GAP43: variants seen among roughly 807,000 people sequenced by gnomAD.
GAP43 encodes the protein neuromodulin.
In GAP43, 6 loss-of-function variants were observed where a neutral mutation model predicts 18.6. That is an observed-to-expected ratio of 0.32 (90% CI 0.18 to 0.64). GAP43 has a LOEUF of 0.64. Ranked by LOEUF, GAP43 falls within the 30% of genes least tolerant of loss-of-function variation. GAP43 has a pLI of 0.78. For synonymous variants in GAP43, 115 were observed against 111.4 expected, an observed-to-expected ratio of 1.03 and a Z score of -0.20; for missense variants, 292 against 295.5, an observed-to-expected ratio of 0.99 and a Z score of 0.09.
chr3:115,680,910 A>G (rs1320052874), intron 2 of GAP43, among the ~76,000 whole-genome samples: 1 of 152,198 alleles, frequency 6.6e-6, no homozygotes, highest in East Asian at 1.9e-4. Context: ...AGATAGGTCC[A>G]CTTCTACCAA....
chr3:115,663,942 T>C, intron 1 of GAP43: 1 of 1,549,010 alleles, frequency 6.5e-7, no homozygotes, highest in Middle Eastern at 1.7e-4. Flanking sequence ...ATGTAACCTA[T>C]ACAAGTATTT....
intron 2 of GAP43, among the ~76,000 whole-genome samples, chr3:115,705,025 T>C (rs1356780581): frequency 6.6e-6 from 1 of 152,178 alleles, no homozygotes; most frequent in East Asian, 1.9e-4. Flanking sequence ...CTGCCAAGTC[T>C]CTAGTTTACT....
intron 2 of GAP43, among the ~76,000 whole-genome samples, chr3:115,680,195 C>A (rs534708917): frequency 6.6e-6 from 1 of 152,240 alleles, no homozygotes; most frequent in South Asian, 2.1e-4. Flanking sequence ...TGCGGTGGCT[C>A]ATGCCTGTAA....
chr3:115,683,180 C>CACACACAG (rs1225729040), intron 2 of GAP43, among the ~76,000 whole-genome samples: 4 of 149,532 alleles, frequency 2.7e-5, no homozygotes, highest in African/African-American at 7.3e-5. Context: ...CACACACACA[C>CACACACAG]ACACACACGA....
chr3:115,660,309 T>C (rs1708641769), intron 1 of GAP43, among the ~76,000 whole-genome samples: 1 of 152,206 alleles, frequency 6.6e-6, no homozygotes, highest in South Asian at 2.1e-4. Context: ...TATAATTATA[T>C]ACCTATAAAT....
intron 2 of GAP43, among the ~76,000 whole-genome samples, chr3:115,716,649 T>TA (rs1709504937): frequency 6.9e-6 from 1 of 145,100 alleles, no homozygotes; most frequent in Admixed American, 7.1e-5. Context: ...TCCCTTCGCT[T>TA]AAAACAAAGC....
rs545389265 is a variant in GAP43 at position 115,677,829 on chromosome 3, A to G, written c.628+1219A>G. Among the ~76,000 whole-genome samples, 4 of 152,338 alleles carry G rather than the reference A, an allele frequency of 2.6e-5. No homozygotes were observed. The East Asian group carries it at 7.7e-4, about 29-fold the overall frequency. On this transcript the variant is annotated intron_variant, in intron 2 of 2. Coordinates refer to ENST00000305124, the MANE Select transcript of GAP43 (RefSeq NM_002045.4). ...ATCTGACCATCAGATTGAGAAAGTA[A>G]TGACTGGACTTTTACCTTGATATAC...
chr3:115,658,259 T>C (rs913411612), intron 1 of GAP43, among the ~76,000 whole-genome samples: 5 of 152,086 alleles, frequency 3.3e-5, no homozygotes, highest in Admixed American at 2.6e-4. Context: ...GGTTTTTTTT[T>C]CCTAAGTAGG....
Position 115,623,585 on chromosome 3 carries a change from A to G in GAP43, c.-105A>G. 6.9e-7 allele frequency: 1 copy of G among 1,449,934 alleles called. No individual in the cohort carries two copies. The highest frequency in any genetic ancestry group is 9.6e-7 in the Non-Finnish European group (1 of 1,039,664). The allele number at this position is 1,449,934 out of a possible 1,614,324, so 89.8% of individuals were successfully genotyped here. On this transcript the variant is annotated 5_prime_UTR_variant, in exon 1 of 3. Coordinates refer to ENST00000305124, the MANE Select transcript of GAP43 (RefSeq NM_002045.4). ...GGGAGAGAGAGCGCGCTAGCGCGAG[A>G]GAGCGAGTGAGCAAGCGAGCAGAAA...
rs1392743596 is a variant in GAP43, at chr3:115,721,049, A to T, written c.*167A>T. On this transcript the variant is annotated 3_prime_UTR_variant, in exon 3 of 3. Coordinates refer to ENST00000305124, the MANE Select transcript of GAP43 (RefSeq NM_002045.4). The stretch of plus-strand genomic sequence containing the variant: ...TTTCTCTCTGTGTGGCAAACATTTA[A>T]AAAAAAAAAAAAAAAGCAGGAAAGA... 3.8e-4 allele frequency: 77 copies of T among 203,408 alleles called. No homozygotes were observed. Among genetic ancestry groups the T allele is most frequent in the African/African-American group, 1.6e-3 (66 of 41,332 alleles). The allele number at this position is 203,408 out of a possible 1,614,324, so 12.6% of individuals were successfully genotyped here. A position where few individuals can be genotyped will look rare whatever the true frequency, so the allele number is the denominator to read the frequency against.
At chr3:115,698,545 A>G (rs1299982693) in intron 2 of GAP43, among the ~76,000 whole-genome samples, 4 of 151,206 alleles carry the variant, frequency 2.6e-5, no homozygotes, top group Middle Eastern at 3.2e-3. Flanking sequence ...CTTTGGTGAG[A>G]AAAGGCTGCT....
intron 1 of GAP43, among the ~76,000 whole-genome samples, chr3:115,650,552 C>A (rs1279842466): frequency 1.5e-4 from 23 of 152,038 alleles, no homozygotes; most frequent in Non-Finnish European, 1.0e-4. Flanking sequence ...CTCCTTCTCC[C>A]CATTCCCACT....
chr3:115,665,912 C>T (rs1708725972), intron 1 of GAP43, among the ~76,000 whole-genome samples: 1 of 151,314 alleles, frequency 6.6e-6, no homozygotes, highest in African/African-American at 2.4e-5. Context: ...CCTGCAGAGG[C>T]AATTGTTTTA....
intron 2 of GAP43, among the ~76,000 whole-genome samples, chr3:115,715,682 G>A (rs1308015270): frequency 1.3e-5 from 2 of 152,172 alleles, no homozygotes; most frequent in Non-Finnish European, 1.5e-5. Flanking sequence ...AATTAGTGCT[G>A]GAAAGTGCCA....
At chr3:115,709,477 T>C (rs1234945050) in intron 2 of GAP43, among the ~76,000 whole-genome samples, 1 of 152,166 alleles carries the variant, frequency 6.6e-6, no homozygotes, top group Non-Finnish European at 1.5e-5. Context: ...AACGGGGAGA[T>C]GTAGAATTGA....
At chr3:115,705,849 T>G (rs1377700847) in intron 2 of GAP43, among the ~76,000 whole-genome samples, 2 of 152,174 alleles carry the variant, frequency 1.3e-5, no homozygotes, top group Non-Finnish European at 2.9e-5. Flanking sequence ...ATTAACTTCC[T>G]CCAAAATGCA....
chr3:115,716,767 T>TATATATAC (rs1559809168), intron 2 of GAP43, among the ~76,000 whole-genome samples: 2 of 79,436 alleles, frequency 2.5e-5, no homozygotes, highest in Non-Finnish European at 2.6e-5. Context: ...TATATATATA[T>TATATATAC]ACAGAGAGAG....
intron 2 of GAP43, among the ~76,000 whole-genome samples, chr3:115,684,379 A>G (rs183252573): frequency 1.8e-4 from 28 of 152,300 alleles, no homozygotes; most frequent in Admixed American, 1.6e-3. Context: ...TAGCCTTGAA[A>G]AAAATGTTCT....
intron 2 of GAP43, among the ~76,000 whole-genome samples, chr3:115,706,562 T>C (rs967244662): frequency 5.3e-5 from 8 of 152,222 alleles, no homozygotes; most frequent in Admixed American, 3.3e-4. Flanking sequence ...ATACCATCGA[T>C]ATCAGAAAGG....
Sources: gnomAD v4.1 joint callset for allele counts (sites outside exome capture counted in the v4.1 genomes callset) on GRCh38, gnomAD v4.1.1 for gene constraint, MANE v1.5 for transcripts, NCBI Gene and HGNC (gene_info 2026-07-23, HGNC 2026-07-21) for gene names.